The following SLC38A12 variants were observed in gnomAD, a reference collection of about 807,000 sequenced individuals.
The protein encoded by SLC38A12 is solute carrier family 38 member 12.
the SLC38A12 span, among the ~76,000 whole-genome samples, chr17:74,797,539 G>A: frequency 2.6e-5 from 4 of 152,164 alleles, no homozygotes; most frequent in African/African-American, 9.7e-5. Flanking sequence ...GAGGCTTTTG[G>A]TTTGCATGGG....
chr17:74,793,412 C>T, the SLC38A12 span, among the ~76,000 whole-genome samples: 1 of 152,210 alleles, frequency 6.6e-6, no homozygotes, highest in Non-Finnish European at 1.5e-5. Context: ...ATTCCTGATT[C>T]ACAGACTGCC....
the SLC38A12 span, among the ~76,000 whole-genome samples, chr17:74,811,085 T>A: frequency 6.6e-6 from 1 of 152,224 alleles, no homozygotes; most frequent in African/African-American, 2.4e-5. Context: ...ATCCTAGCAC[T>A]TTGGGAGGCC....
the SLC38A12 span, among the ~76,000 whole-genome samples, chr17:74,786,451 A>T: frequency 1.3e-5 from 2 of 152,226 alleles, no homozygotes; most frequent in Admixed American, 1.3e-4. Context: ...GCCTGTGCAG[A>T]CTTGACTTTA....
the SLC38A12 span, chr17:74,819,826 C>A: frequency 6.2e-7 from 1 of 1,614,154 alleles, no homozygotes; most frequent in Non-Finnish European, 8.5e-7. Flanking sequence ...ATCCTGACCT[C>A]TCTGATGAGA....
the SLC38A12 span, among the ~76,000 whole-genome samples, chr17:74,807,850 G>A: frequency 2.6e-5 from 4 of 152,140 alleles, no homozygotes; most frequent in Admixed American, 2.0e-4. Flanking sequence ...AGCTCCTCAC[G>A]TAACATCCGT....
At chr17:74,802,418 C>A in the SLC38A12 span, among the ~76,000 whole-genome samples, 18 of 152,286 alleles carry the variant, frequency 1.2e-4, no homozygotes, top group African/African-American at 3.9e-4. Context: ...CCCTACCACT[C>A]CCTTACCCAG....
chr17:74,814,468 T>C, the SLC38A12 span, among the ~76,000 whole-genome samples: 2 of 152,354 alleles, frequency 1.3e-5, no homozygotes, highest in South Asian at 4.1e-4. Flanking sequence ...TCATTCTCCC[T>C]GAAGCCAGTG....
the SLC38A12 span, among the ~76,000 whole-genome samples, chr17:74,820,738 C>T: frequency 2.0e-5 from 3 of 152,218 alleles, no homozygotes; most frequent in East Asian, 1.9e-4. Context: ...TGGGGCTCCT[C>T]CTTCCTGACC....
At chr17:74,779,176 T>C in the SLC38A12 span, among the ~76,000 whole-genome samples, 1 of 152,234 alleles carries the variant, frequency 6.6e-6, no homozygotes, top group Non-Finnish European at 1.5e-5. Context: ...AACTAAGTTT[T>C]GTAAGGAAAA....
At chr17:74,837,471 G>C in the SLC38A12 span, 1 of 985,462 alleles carries the variant, frequency 1.0e-6, no homozygotes, top group South Asian at 4.7e-5. Flanking sequence ...GAGCCCTCAG[G>C]GCCTCCTACA....
chr17:74,790,079 A>T, the SLC38A12 span: 10 of 732,252 alleles, frequency 1.4e-5, no homozygotes, highest in African/African-American at 6.9e-5. Flanking sequence ...TCAGCCTCCC[A>T]GGTAGCTAGG....
chr17:74,833,361 A>G, the SLC38A12 span, among the ~76,000 whole-genome samples: 9 of 152,304 alleles, frequency 5.9e-5, no homozygotes, highest in Non-Finnish European at 7.3e-5. Context: ...GTTCTACATC[A>G]TTGTTGGTGT....
chr17:74,778,594 AG>A, the SLC38A12 span, among the ~76,000 whole-genome samples: 1 of 151,006 alleles, frequency 6.6e-6, no homozygotes, highest in South Asian at 2.1e-4. Flanking sequence ...GTGGCAATAA[AG>A]GAGCCTTCTT....
At chr17:74,812,035 C>CAAAA in the SLC38A12 span, among the ~76,000 whole-genome samples, 1 of 139,902 alleles carries the variant, frequency 7.1e-6, no homozygotes, top group African/African-American at 2.6e-5. Context: ...GACAGTGCCT[C>CAAAA]AAAAAAAAAA....
chr17:74,824,026 A>G, the SLC38A12 span, among the ~76,000 whole-genome samples: 1 of 152,200 alleles, frequency 6.6e-6, no homozygotes, highest in Non-Finnish European at 1.5e-5. Flanking sequence ...GCCACATCCC[A>G]AGAGTGGCCT....
At chr17:74,839,194 A>T in the SLC38A12 span, 4 of 1,483,634 alleles carry the variant, frequency 2.7e-6, no homozygotes, top group Non-Finnish European at 3.6e-6. Context: ...ATGGCAGGTG[A>T]TAGACTGGGA....
At chr17:74,793,461 A>G in the SLC38A12 span, among the ~76,000 whole-genome samples, 1 of 152,140 alleles carries the variant, frequency 6.6e-6, no homozygotes, top group Non-Finnish European at 1.5e-5. Flanking sequence ...TGCCTCCTCT[A>G]TAGGAGGCTC....
the SLC38A12 span, chr17:74,836,244 C>T: frequency 1.2e-6 from 2 of 1,611,618 alleles, no homozygotes; most frequent in Non-Finnish European, 8.5e-7. The surrounding 1 kb of genome is among the most constrained non-coding windows in gnomAD (Gnocchi z 4.2). Flanking sequence ...CGTCGTGGGC[C>T]TGGCCGCTGT....
chr17:74,822,926 G>A, the SLC38A12 span, among the ~76,000 whole-genome samples: 1 of 152,236 alleles, frequency 6.6e-6, no homozygotes, highest in African/African-American at 2.4e-5. Flanking sequence ...CCCCTTTTGG[G>A]GGAGGGACCC....
Sources: gnomAD v4.1 joint callset for allele counts (sites outside exome capture counted in the v4.1 genomes callset) on GRCh38, gnomAD v4.1.1 for gene constraint, Gnocchi (gnomAD v3.1) non-coding constraint, MANE v1.5 for transcripts, NCBI Gene and HGNC (gene_info 2026-07-23, HGNC 2026-07-21) for gene names.